Variants in FCHO2 observed in about 807,000 individuals in gnomAD.
The protein encoded by FCHO2 is F-BAR domain only protein 2.
A neutral mutation model predicts 114.1 loss-of-function variants in FCHO2; 43 were observed. That is an observed-to-expected ratio of 0.38 (90% CI 0.30 to 0.49). The LOEUF (loss-of-function observed/expected upper bound fraction) is 0.49, where lower values mean the gene tolerates loss of function less well. Ranked by LOEUF, FCHO2 falls within the 20% of genes least tolerant of loss-of-function variation. The pLI is 0.97. For synonymous variants in FCHO2, 293 were observed against 315.2 expected (o/e 0.93, Z 0.75); for missense variants, 807 against 950.4 (o/e 0.85, Z 1.98).
chr5:73,037,965 G>A (rs1483941317), intron 10 of FCHO2: 3 of 240,082 alleles, frequency 1.2e-5, no homozygotes, highest in Non-Finnish European at 8.5e-6. Flanking sequence ...TCACCATATT[G>A]GCCAGGCTGG....
intron 11 of FCHO2, among the ~76,000 whole-genome samples, chr5:73,049,514 G>T (rs1757244023): frequency 6.6e-6 from 1 of 151,684 alleles, no homozygotes; most frequent in Non-Finnish European, 1.5e-5. Context: ...ACATATTTGT[G>T]ATATCTGTAG....
chr5:73,020,679 C>A, intron 8 of FCHO2: 1 of 1,144,632 alleles, frequency 8.7e-7, no homozygotes, highest in Non-Finnish European at 1.3e-6. Flanking sequence ...CCGCAAGGAA[C>A]AGTTTGGTCT....
intron 8 of FCHO2, among the ~76,000 whole-genome samples, chr5:73,024,127 A>C (rs886996269): frequency 6.6e-6 from 1 of 151,904 alleles, no homozygotes; most frequent in African/African-American, 2.4e-5. Flanking sequence ...TGATGCAATC[A>C]TAGCTCACTG....
chr5:72,977,856 A>G (rs1284720181), intron 2 of FCHO2, among the ~76,000 whole-genome samples: 6 of 152,062 alleles, frequency 3.9e-5, no homozygotes, highest in Non-Finnish European at 8.8e-5. Context: ...AGTTTTCCCA[A>G]CACCATTTAT....
At chr5:72,973,085 G>A (rs943153716) in intron 2 of FCHO2, among the ~76,000 whole-genome samples, 3 of 152,168 alleles carry the variant, frequency 2.0e-5, no homozygotes, top group African/African-American at 7.2e-5. Flanking sequence ...TTTTTGATGT[G>A]TTGCTGGATT....
intron 2 of FCHO2, among the ~76,000 whole-genome samples, chr5:72,985,374 C>A (rs1561423276): frequency 6.6e-6 from 1 of 152,036 alleles, no homozygotes. Context: ...GTTGGCCAGG[C>A]TGATCTCGGA....
Position 73,089,200 on chromosome 5 carries a change from A to C in FCHO2, c.*1110A>C, listed in dbSNP as rs1285270702. 6.6e-6 allele frequency: 1 copy of C among 152,586 alleles called. No individual in the cohort carries two copies. The highest frequency in any genetic ancestry group is 2.4e-5 in the African/African-American group (1 of 41,450). 9.5% of individuals were successfully genotyped at this position (152,586 alleles called of 1,614,324 possible). ...GAATTTTAAAACAAATTCTAAAAAA[A>C]CTATAGTGCTAAATTGGTAACTGGT... On this transcript the variant is annotated 3_prime_UTR_variant, in exon 26 of 26. Transcript: ENST00000430046.
At chr5:73,048,767 A>G (rs1173500697) in intron 11 of FCHO2, among the ~76,000 whole-genome samples, 2 of 140,130 alleles carry the variant, frequency 1.4e-5, no homozygotes, top group African/African-American at 5.2e-5. Flanking sequence ...TTTTCTCTGT[A>G]GGGGTTGTGC....
At chr5:72,969,710 TC>T (rs1281511597) in intron 2 of FCHO2, among the ~76,000 whole-genome samples, 1 of 152,214 alleles carries the variant, frequency 6.6e-6, no homozygotes, top group African/African-American at 2.4e-5. Flanking sequence ...CCAGAATCTA[TC>T]CCTTTCTGAT....
At position 73,078,359 on chromosome 5, in the gene FCHO2, A is replaced by G. The variant is rs763359795; in HGVS notation, c.1980+47A>G. 8.0e-6 allele frequency: 12 copies of G among 1,497,922 alleles called. No individual in the cohort carries two copies. The African/African-American group carries it at 1.1e-4, about 14-fold the overall frequency. The allele number at this position is 1,497,922 out of a possible 1,614,324, so 92.8% of individuals were successfully genotyped here. ...AAATTCTAAATTAAAATATTAAAAA[A>G]TGGAATCTAGCATATAAATGAATAA... is the stretch of plus-strand genomic sequence containing the variant. On this transcript the variant is annotated intron_variant, in intron 22 of 25. Coordinates refer to ENST00000430046, the MANE Select transcript of FCHO2 (RefSeq NM_138782.3).
At position 73,054,181 on chromosome 5, in the gene FCHO2, A is replaced by G. The variant is rs543818832; in HGVS notation, c.1185+10A>G. 7 of 1,520,574 alleles carry G rather than the reference A, an allele frequency of 4.6e-6. No homozygotes were observed. The Admixed American group carries it at 8.8e-5, about 19-fold the overall frequency. The allele number at this position is 1,520,574 out of a possible 1,614,324, so 94.2% of individuals were successfully genotyped here. On this transcript the variant is annotated intron_variant, in intron 14 of 25. Transcript: ENST00000430046. Reference sequence around the variant, plus strand: ...CTAGAGACACAGTCCAGTAAGTACAAGATTTTATATTTTTGCCCATTGACT... The same window carrying G: ...CTAGAGACACAGTCCAGTAAGTACAGGATTTTATATTTTTGCCCATTGACT...
At chr5:73,015,750 C>T (rs2112741854) in intron 7 of FCHO2, 26 bp downstream of exon 7, 1 of 1,401,288 alleles carries the variant, frequency 7.1e-7, no homozygotes, top group Non-Finnish European at 9.6e-7. Flanking sequence ...TTATGTTGAA[C>T]TATTCATGAA....
At chr5:73,044,055 T>C (rs543204084) in intron 11 of FCHO2, among the ~76,000 whole-genome samples, 6 of 152,234 alleles carry the variant, frequency 3.9e-5, no homozygotes, top group African/African-American at 7.2e-5. Context: ...TGTTTGAAAG[T>C]GTGTAGCATC....
chr5:72,966,189 G>GCAA (rs1356901097), intron 1 of FCHO2, among the ~76,000 whole-genome samples: 10 of 152,296 alleles, frequency 6.6e-5, no homozygotes, highest in African/African-American at 2.4e-4. Flanking sequence ...ACTGGCTTGA[G>GCAA]CAACATAGCG....
chr5:73,077,661 C>T lies in FCHO2; in HGVS notation c.1847+168C>T, dbSNP rs187024187. ...CCTGAGCAATGTGGCAAAACCCCATCTCTACCAAAAAAACAAAAAACAAAA... is the reference window on the plus strand; with the variant it reads ...CCTGAGCAATGTGGCAAAACCCCATTTCTACCAAAAAAACAAAAAACAAAA... On this transcript the variant is annotated intron_variant, in intron 21 of 25. Transcript: ENST00000430046. Among the ~76,000 whole-genome samples the T allele has an allele frequency of 6.2e-3, 950 of 152,162 alleles. 6 individuals carry two copies. The highest frequency in any genetic ancestry group is 0.02 in the Middle Eastern group (6 of 294).
At chr5:73,073,141 C>T (rs1341785307) in intron 19 of FCHO2, among the ~76,000 whole-genome samples, 3 of 151,704 alleles carry the variant, frequency 2.0e-5, no homozygotes, top group African/African-American at 7.3e-5. Flanking sequence ...TTCTTGCATC[C>T]CAAAACTAAT....
intron 15 of FCHO2, among the ~76,000 whole-genome samples, chr5:73,055,512 CCT>C (rs1459562499): frequency 3.3e-5 from 5 of 152,144 alleles, no homozygotes; most frequent in African/African-American, 7.2e-5. Flanking sequence ...ATGCTATTCC[CCT>C]GTTTACCACT....
At chr5:72,992,993 A>C (rs970403798) in intron 5 of FCHO2, among the ~76,000 whole-genome samples, 6 of 152,038 alleles carry the variant, frequency 3.9e-5, no homozygotes, top group African/African-American at 1.4e-4. Flanking sequence ...ATTCTGAATG[A>C]GCAAACAACC....
intron 11 of FCHO2, among the ~76,000 whole-genome samples, chr5:73,048,458 A>T (rs1757172323): frequency 6.6e-6 from 1 of 152,160 alleles, no homozygotes; most frequent in East Asian, 1.9e-4. Flanking sequence ...AAACTAAATA[A>T]ATAAAATAAA....
Sources: allele counts gnomAD v4.1 joint callset (sites outside exome capture counted in the v4.1 genomes callset), GRCh38; gene constraint gnomAD v4.1.1; transcripts MANE v1.5; gene names NCBI Gene and HGNC (gene_info 2026-07-23, HGNC 2026-07-21).